LHFPL3: variants seen among roughly 807,000 people sequenced by gnomAD.
The protein encoded by LHFPL3 is LHFPL tetraspan subfamily member 3 protein.
In LHFPL3, 5 loss-of-function variants were observed where a neutral mutation model predicts 19.3. That is an observed-to-expected ratio of 0.26 (90% CI 0.14 to 0.54). The LOEUF is 0.54. Ranked by LOEUF, LHFPL3 falls within the 20% of genes least tolerant of loss-of-function variation. The pLI, the probability that LHFPL3 is intolerant of heterozygous loss-of-function variation, is 0.94. For missense variants in LHFPL3, 249 were observed against 307.4 expected (o/e 0.81, Z 1.42); for synonymous variants, 133 against 126.2 (o/e 1.05, Z -0.36).
At chr7:104,364,394 GACAC>G (rs143182510) in intron 1 of LHFPL3, among the ~76,000 whole-genome samples, 3 of 151,974 alleles carry the variant, frequency 2.0e-5, no homozygotes, top group African/African-American at 7.3e-5. Flanking sequence ...ATTAACCATT[GACAC>G]ACACACACAC....
intron 1 of LHFPL3, among the ~76,000 whole-genome samples, chr7:104,629,016 TA>T (rs1300059922): frequency 1.3e-5 from 2 of 152,212 alleles, no homozygotes; most frequent in East Asian, 1.9e-4. Flanking sequence ...AAAATATTGC[TA>T]AAAAAATACC....
At chr7:104,584,468 A>G (rs189196200) in intron 1 of LHFPL3, among the ~76,000 whole-genome samples, 4 of 151,462 alleles carry the variant, frequency 2.6e-5, no homozygotes, top group Non-Finnish European at 4.4e-5. Context: ...TAATAATAAA[A>G]TTTTTTAAAA....
chr7:104,470,244 C>A (rs760873656), intron 1 of LHFPL3, among the ~76,000 whole-genome samples: 2 of 152,168 alleles, frequency 1.3e-5, no homozygotes, highest in Non-Finnish European at 2.9e-5. Flanking sequence ...GCCTAACTGG[C>A]TTTTATTGAT....
chr7:104,340,118 G>T (rs77771746), intron 1 of LHFPL3, among the ~76,000 whole-genome samples: 8 of 152,088 alleles, frequency 5.3e-5, no homozygotes, highest in Non-Finnish European at 8.8e-5. Flanking sequence ...ATGACTTTGG[G>T]TAAGTCATCT....
rs572379834 is a variant in LHFPL3 at position 104,834,077 on chromosome 7, C to G, written c.683-72110C>G. 2.3e-4 allele frequency among the ~76,000 whole-genome samples: 35 copies of G among 150,664 alleles called. 1 individual carries two copies. The highest frequency in any genetic ancestry group is 8.4e-4 in the African/African-American group (34 of 40,678). Reference sequence around the variant, plus strand: ...TTGTAGGCTGGAAGACTAGGCCAGTCTCACCTTTTCACGTTTTTCTGCCTG... The same window carrying G: ...TTGTAGGCTGGAAGACTAGGCCAGTGTCACCTTTTCACGTTTTTCTGCCTG... On this transcript the variant is annotated intron_variant, in intron 2 of 2. Transcript: ENST00000424859.
chr7:104,855,421 T>TA (rs1401609991), intron 2 of LHFPL3, among the ~76,000 whole-genome samples: 3 of 152,232 alleles, frequency 2.0e-5, no homozygotes, highest in African/African-American at 7.2e-5. Context: ...GTCACATTCT[T>TA]ATGTTTCACA....
At chr7:104,797,039 G>A (rs1236835976) in intron 2 of LHFPL3, 1 of 152,578 alleles carries the variant, frequency 6.6e-6, no homozygotes, top group African/African-American at 2.4e-5. Context: ...CTTCTTTCCT[G>A]AAACAATCAC....
At chr7:104,342,128 T>G (rs768100537) in intron 1 of LHFPL3, among the ~76,000 whole-genome samples, 3 of 152,174 alleles carry the variant, frequency 2.0e-5, no homozygotes, top group East Asian at 1.9e-4. Flanking sequence ...TCATTTTGGT[T>G]GTTGTTTCTT....
chr7:104,839,507 G>GAAAT (rs1275079287), intron 2 of LHFPL3, among the ~76,000 whole-genome samples: 3 of 151,724 alleles, frequency 2.0e-5, no homozygotes, highest in Non-Finnish European at 4.4e-5. Flanking sequence ...CTCTCTACTA[G>GAAAT]AAATACAAAA....
chr7:104,842,299 G>A (rs1377637506), intron 2 of LHFPL3, among the ~76,000 whole-genome samples: 3 of 140,246 alleles, frequency 2.1e-5, no homozygotes, highest in African/African-American at 7.6e-5. Flanking sequence ...CGGGGGTGGG[G>A]GGGTGGGGGG....
intron 2 of LHFPL3, among the ~76,000 whole-genome samples, chr7:104,885,334 G>A (rs1157426707): frequency 6.6e-6 from 1 of 152,100 alleles, no homozygotes; most frequent in East Asian, 1.9e-4. Context: ...TCTGTACAAT[G>A]GATGGCTCCC....
intron 2 of LHFPL3, among the ~76,000 whole-genome samples, chr7:104,778,537 C>G (rs552695395): frequency 6.6e-6 from 1 of 152,352 alleles, no homozygotes; most frequent in South Asian, 2.1e-4. Flanking sequence ...CTGTGTTTCT[C>G]CAGTTTTCCA....
chr7:104,793,542 CAA>C, intron 2 of LHFPL3, among the ~76,000 whole-genome samples: 1 of 152,142 alleles, frequency 6.6e-6, no homozygotes, highest in East Asian at 1.9e-4. Flanking sequence ...ATAGCAGCCA[CAA>C]AAAGGTAACA....
intron 1 of LHFPL3, among the ~76,000 whole-genome samples, chr7:104,366,238 A>G (rs1489446841): frequency 6.6e-6 from 1 of 152,204 alleles, no homozygotes; most frequent in Non-Finnish European, 1.5e-5. Context: ...GGCCCTAAAG[A>G]TACTAAGACC....
At chr7:104,380,579 A>G (rs1350198611) in intron 1 of LHFPL3, among the ~76,000 whole-genome samples, 2 of 152,136 alleles carry the variant, frequency 1.3e-5, no homozygotes, top group African/African-American at 2.4e-5. Flanking sequence ...TTTGAGTTTC[A>G]AGAGTAAAGA....
intron 2 of LHFPL3, among the ~76,000 whole-genome samples, chr7:104,877,501 C>T (rs1020689848): frequency 6.6e-6 from 1 of 151,964 alleles, no homozygotes; most frequent in African/African-American, 2.4e-5. Context: ...TACAGATGTC[C>T]AATAAATACA....
At chr7:104,416,589 G>A (rs756430070) in intron 1 of LHFPL3, among the ~76,000 whole-genome samples, 3 of 152,152 alleles carry the variant, frequency 2.0e-5, no homozygotes, top group Admixed American at 6.5e-5. Flanking sequence ...GGGGTCTGGC[G>A]TTTTCTGTTT....
intron 1 of LHFPL3, among the ~76,000 whole-genome samples, chr7:104,389,747 G>A (rs1791024153): frequency 6.6e-6 from 1 of 152,078 alleles, no homozygotes; most frequent in South Asian, 2.1e-4. Flanking sequence ...GGATGTCAAG[G>A]CCATTCTATA....
chr7:104,334,643 G>T (rs1789748718), intron 1 of LHFPL3, among the ~76,000 whole-genome samples: 1 of 152,204 alleles, frequency 6.6e-6, no homozygotes, highest in Non-Finnish European at 1.5e-5. Flanking sequence ...GGCGTCACTA[G>T]TAGTGACCAC....
Sources: gnomAD v4.1 joint callset for allele counts (sites outside exome capture counted in the v4.1 genomes callset) on GRCh38, gnomAD v4.1.1 for gene constraint, MANE v1.5 for transcripts, NCBI Gene and HGNC (gene_info 2026-07-23, HGNC 2026-07-21) for gene names.